Variants in LRRC4C observed in about 807,000 individuals in gnomAD.
The protein encoded by LRRC4C is leucine rich repeat containing 4C.
LRRC4C carries 5 observed loss-of-function variants against 33.6 expected under a neutral mutation model. The observed-to-expected ratio is 0.15, with a 90% CI of 0.08 to 0.31. LRRC4C has a LOEUF of 0.31. LRRC4C is among the 10% of genes least tolerant of loss of function. LRRC4C has a pLI of 1.00. For synonymous variants in LRRC4C, 329 were observed against 302.0 expected, an observed-to-expected ratio of 1.09 and a Z score of -0.93; for missense variants, 560 against 796.7, an observed-to-expected ratio of 0.70 and a Z score of 3.58.
At chr11:40,576,600 A>G (rs914933859) in intron 3 of LRRC4C, among the ~76,000 whole-genome samples, 4 of 152,204 alleles carry the variant, frequency 2.6e-5, no homozygotes, top group African/African-American at 7.2e-5. Context: ...GAAATGCCCA[A>G]GGAGTTTTAA....
At position 41,044,156 on chromosome 11, in the gene LRRC4C, G is replaced by T. The variant is rs1857618744; in HGVS notation, c.-495-110433C>A. Among the ~76,000 whole-genome samples, 6 of 152,206 alleles carry T rather than the reference G, an allele frequency of 3.9e-5. No homozygotes were observed. In the South Asian group the frequency reaches 1.2e-3, roughly 32 times the overall value. On this transcript the variant is annotated intron_variant, in intron 1 of 6. Transcript: ENST00000528697. ...CAGGAAAATCTGAGCTGAACATAAT[G>T]AATAGTGATATTATTGGTAGAATTT...
At chr11:40,430,819 T>C (rs1024259611) in intron 3 of LRRC4C, among the ~76,000 whole-genome samples, 6 of 150,988 alleles carry the variant, frequency 4.0e-5, no homozygotes, top group African/African-American at 4.9e-5. Context: ...AAATTGGAAA[T>C]CATCATTCTC....
rs866279700 is a variant in LRRC4C at position 41,303,177 on chromosome 11, C to T, written c.-496+156254G>A. Among the ~76,000 whole-genome samples, 15 of 147,494 alleles carry T rather than the reference C, an allele frequency of 1.0e-4. No individual in the cohort carries two copies. In the South Asian group the frequency reaches 2.5e-3, roughly 25 times the overall value. ...AAGCTGGACTGTACTGCTGCCATCT[C>T]GGCTCACTGCAACCTCCCTGCCTGA... On this transcript the variant is annotated intron_variant, in intron 1 of 6. Coordinates refer to ENST00000528697, the MANE Select transcript of LRRC4C (RefSeq NM_001258419.2).
intron 3 of LRRC4C, among the ~76,000 whole-genome samples, chr11:40,541,159 G>T (rs1956693030): frequency 6.6e-6 from 1 of 152,090 alleles, no homozygotes; most frequent in African/African-American, 2.4e-5. Context: ...GGGTTAACTT[G>T]GGGGCTAATA....
rs534562751 is a variant in LRRC4C at position 40,686,692 on chromosome 11, C to G, written c.-406-38414G>C. On this transcript the variant is annotated intron_variant, in intron 2 of 6. Transcript: ENST00000528697. ...GGTTCAAAATAATTTTTTTAAAAGTCTTATTTAATTCATCTTACAAGAGCA... is the reference window on the plus strand; with the variant it reads ...GGTTCAAAATAATTTTTTTAAAAGTGTTATTTAATTCATCTTACAAGAGCA... 2.7e-3 allele frequency among the ~76,000 whole-genome samples: 410 copies of G among 152,026 alleles called. 4 individuals are homozygous for G. Among genetic ancestry groups the G allele is most frequent in the Middle Eastern group, 0.014 (4 of 294 alleles).
chr11:40,323,698 C>G (rs900142387), intron 3 of LRRC4C, among the ~76,000 whole-genome samples: 5 of 152,118 alleles, frequency 3.3e-5, no homozygotes, highest in African/African-American at 1.2e-4. Flanking sequence ...ATTTTTTCAT[C>G]AAATATTTCT....
At chr11:41,188,131 C>T (rs1945778389) in intron 1 of LRRC4C, among the ~76,000 whole-genome samples, 1 of 152,024 alleles carries the variant, frequency 6.6e-6, no homozygotes, top group South Asian at 2.1e-4. Flanking sequence ...GATACCCTCC[C>T]CTTCCTCTCC....
At chr11:41,021,166 AG>A (rs1855939883) in intron 1 of LRRC4C, among the ~76,000 whole-genome samples, 1 of 4,148 alleles carries the variant, frequency 2.4e-4, no homozygotes, top group Non-Finnish European at 2.5e-3. Flanking sequence ...TGAGAGAGAG[AG>A]AGAGAGAGAG....
chr11:40,544,764 A>T (rs1956851151), intron 3 of LRRC4C, among the ~76,000 whole-genome samples: 1 of 152,108 alleles, frequency 6.6e-6, no homozygotes, highest in Non-Finnish European at 1.5e-5. Context: ...CCATGTATGC[A>T]CATATGTATG....
chr11:41,024,515 C>T (rs577465612), intron 1 of LRRC4C, among the ~76,000 whole-genome samples: 100 of 151,752 alleles, frequency 6.6e-4, no homozygotes, highest in African/African-American at 2.3e-3. Context: ...AGACACATTC[C>T]TTTATCTACA....
chr11:40,997,000 G>C (rs538896321), intron 1 of LRRC4C, among the ~76,000 whole-genome samples: 1 of 152,056 alleles, frequency 6.6e-6, no homozygotes, highest in Non-Finnish European at 1.5e-5. Flanking sequence ...CCCAAGTGGG[G>C]TATAAAGTTC....
At chr11:41,215,793 A>G (rs1947035842) in intron 1 of LRRC4C, among the ~76,000 whole-genome samples, 1 of 152,180 alleles carries the variant, frequency 6.6e-6, no homozygotes. Flanking sequence ...CTTTGGGGCT[A>G]TTATAAATGA....
At chr11:41,422,364 A>G (rs1231383077) in intron 1 of LRRC4C, among the ~76,000 whole-genome samples, 1 of 152,082 alleles carries the variant, frequency 6.6e-6, no homozygotes, top group African/African-American at 2.4e-5. Context: ...GTTGCTACCC[A>G]TAAGACCTGT....
chr11:41,430,740 T>C (rs1171007678), intron 1 of LRRC4C, among the ~76,000 whole-genome samples: 1 of 152,124 alleles, frequency 6.6e-6, no homozygotes, highest in African/African-American at 2.4e-5. Context: ...TATGCTACGT[T>C]AATTTAAAAA....
chr11:40,391,530 G>A (rs529566719), intron 3 of LRRC4C, among the ~76,000 whole-genome samples: 2 of 152,262 alleles, frequency 1.3e-5, no homozygotes, highest in South Asian at 4.1e-4. Context: ...TGAGCCAAAG[G>A]TAAGCCACTT....
intron 1 of LRRC4C, among the ~76,000 whole-genome samples, chr11:41,155,961 A>T (rs1944213796): frequency 6.6e-6 from 1 of 152,152 alleles, no homozygotes; most frequent in Admixed American, 6.6e-5. Context: ...CCACGTGATG[A>T]CTCAAAGACT....
Position 40,188,894 on chromosome 11 carries a change from T to A in LRRC4C, c.-95-48041A>T, listed in dbSNP as rs189671714. On this transcript the variant is annotated intron_variant, in intron 5 of 6. Transcript: ENST00000528697. ...ATGCAAGTCTTTGATATTCTATTGA[T>A]TAATAACTTCTTTAAGGAATAAATT... 3.0e-4 allele frequency among the ~76,000 whole-genome samples: 45 copies of A among 152,322 alleles called. 1 individual carries two copies. In the East Asian group the frequency reaches 8.3e-3, roughly 28 times the overall value.
chr11:40,880,532 GATTTTTAAAT>G (rs1955115647), intron 2 of LRRC4C, among the ~76,000 whole-genome samples: 4 of 63,018 alleles, frequency 6.3e-5, no homozygotes, highest in African/African-American at 2.4e-4. Flanking sequence ...CACAGAATAA[GATTTTTAAAT>G]GAAAAAAAAA....
chr11:40,531,942 G>A (rs10437646), intron 3 of LRRC4C, among the ~76,000 whole-genome samples: 12,873 of 149,014 alleles, frequency 0.086, 1,592 homozygotes, highest in African/African-American at 0.28. Context: ...TAGGAATGAC[G>A]TAACTGTGCT....
Sources: gnomAD v4.1 joint callset for allele counts (sites outside exome capture counted in the v4.1 genomes callset) on GRCh38, gnomAD v4.1.1 for gene constraint, MANE v1.5 for transcripts, NCBI Gene and HGNC (gene_info 2026-07-23, HGNC 2026-07-21) for gene names.